Variants in GRM8 observed in about 807,000 individuals in gnomAD.
GRM8 encodes the protein metabotropic glutamate receptor 8.
In GRM8, 47 loss-of-function variants were observed where a neutral mutation model predicts 87.2. The observed-to-expected ratio is 0.54, with a 90% CI of 0.43 to 0.69. The LOEUF is 0.69. GRM8 is among the 30% of genes least tolerant of loss of function. The pLI is 0.00. For missense variants in GRM8, 1,019 were observed against 1,139.2 expected (o/e 0.89, Z 1.52); for synonymous variants, 396 against 404.5 (o/e 0.98, Z 0.25).
chr7:126,922,584 A>C (rs760930961), intron 3 of GRM8, among the ~76,000 whole-genome samples: 14 of 152,172 alleles, frequency 9.2e-5, no homozygotes, highest in Admixed American at 2.6e-4. Flanking sequence ...CACTATATAC[A>C]ATATCGCTTG....
chr7:126,810,566 C>A (rs1793193600), intron 6 of GRM8, among the ~76,000 whole-genome samples: 1 of 152,160 alleles, frequency 6.6e-6, no homozygotes, highest in South Asian at 2.1e-4. Flanking sequence ...ACAGACATTA[C>A]TACTGACTAA....
intron 6 of GRM8, among the ~76,000 whole-genome samples, chr7:126,803,276 T>C (rs1053827813): frequency 1.3e-5 from 2 of 152,172 alleles, no homozygotes; most frequent in Non-Finnish European, 2.9e-5. Flanking sequence ...AATATTGGTT[T>C]ATTGAGTAAC....
At chr7:126,826,905 A>G (rs1273663813) in intron 6 of GRM8, among the ~76,000 whole-genome samples, 1 of 152,192 alleles carries the variant, frequency 6.6e-6, no homozygotes, top group African/African-American at 2.4e-5. Flanking sequence ...GGTGTAAGGA[A>G]GGGATCCAGT....
rs182132280 is a variant in GRM8 at position 126,667,268 on chromosome 7, T to C, written c.1358-57770A>G. On this transcript the variant is annotated intron_variant, in intron 7 of 10. Transcript: ENST00000339582. The stretch of plus-strand genomic sequence containing the variant: ...CTAAGATGCTATTTGAATGTTAATA[T>C]GATACTTGAATAGTTGTCTTCAAGT... Among the ~76,000 whole-genome samples the C allele has an allele frequency of 7.0e-3, 1,065 of 152,330 alleles. 6 individuals carry two copies. Among genetic ancestry groups the C allele is most frequent in the Middle Eastern group, 0.017 (5 of 294 alleles).
chr7:126,841,393 C>T lies in GRM8; in HGVS notation c.1156+61149G>A, dbSNP rs184116049. Among the ~76,000 whole-genome samples, 361 of 152,090 alleles carry T rather than the reference C, an allele frequency of 2.4e-3. 2 individuals are homozygous for T. Among genetic ancestry groups the T allele is most frequent in the Non-Finnish European group, 4.2e-3 (287 of 68,006 alleles). On this transcript the variant is annotated intron_variant, in intron 6 of 10. Coordinates refer to ENST00000339582, the MANE Select transcript of GRM8 (RefSeq NM_000845.3). The stretch of plus-strand genomic sequence containing the variant: ...CTCAGCAGGACAATTGACCATAGCA[C>T]CTATGCTAGCCCCTCTGATATGGTG...
intron 6 of GRM8, among the ~76,000 whole-genome samples, chr7:126,856,166 C>CTT (rs1797664113): frequency 6.6e-6 from 1 of 151,632 alleles, no homozygotes; most frequent in Non-Finnish European, 1.5e-5. Flanking sequence ...AAAGAACAGG[C>CTT]TTATATGCAA....
At chr7:126,808,792 GTCC>G (rs1298682145) in intron 6 of GRM8, among the ~76,000 whole-genome samples, 5 of 152,120 alleles carry the variant, frequency 3.3e-5, no homozygotes, top group African/African-American at 1.2e-4. Context: ...AGGTTCCAGA[GTCC>G]TCCTCTATTC....
chr7:126,820,596 A>G (rs944060148), intron 6 of GRM8, among the ~76,000 whole-genome samples: 5 of 152,164 alleles, frequency 3.3e-5, no homozygotes, highest in Non-Finnish European at 7.3e-5. Flanking sequence ...ATAATAGAAA[A>G]CCATATGAGA....
intron 7 of GRM8, among the ~76,000 whole-genome samples, chr7:126,650,722 C>T (rs746922727): frequency 1.3e-5 from 2 of 151,688 alleles, no homozygotes; most frequent in Admixed American, 6.6e-5. Flanking sequence ...TGAGCGCTCA[C>T]CAACAGGTGA....
chr7:127,204,062 A>C (rs1392116959), intron 2 of GRM8, among the ~76,000 whole-genome samples: 2 of 152,230 alleles, frequency 1.3e-5, no homozygotes, highest in Non-Finnish European at 2.9e-5. Flanking sequence ...GGAGTTTATT[A>C]ATTTACATTT....
intron 7 of GRM8, among the ~76,000 whole-genome samples, chr7:126,646,553 G>C (rs1408801124): frequency 3.3e-5 from 5 of 152,062 alleles, no homozygotes; most frequent in Admixed American, 6.6e-5. Flanking sequence ...ACCAGGAGAG[G>C]CTTATCAGTT....
At chr7:127,231,088 TACAATGTCGA>T (rs1797659692) in intron 2 of GRM8, among the ~76,000 whole-genome samples, 1 of 152,190 alleles carries the variant, frequency 6.6e-6, no homozygotes, top group African/African-American at 2.4e-5. Flanking sequence ...TATTATCCAC[TACAATGTCGA>T]ACATGCGGCA....
intron 2 of GRM8, chr7:127,118,235 C>G (rs1406507045): frequency 6.6e-6 from 1 of 152,200 alleles, no homozygotes; most frequent in Non-Finnish European, 1.5e-5. Flanking sequence ...GGAAAACCCA[C>G]TCCATTTGCA....
At chr7:127,125,170 T>G (rs1037441888) in intron 2 of GRM8, among the ~76,000 whole-genome samples, 2 of 152,152 alleles carry the variant, frequency 1.3e-5, no homozygotes, top group African/African-American at 4.8e-5. Flanking sequence ...GAATTTACAA[T>G]AGCTACAATA....
At position 126,569,516 on chromosome 7, in the gene GRM8, A is replaced by T. The variant is rs1418132865; in HGVS notation, c.1495-35629T>A. 2.6e-5 allele frequency among the ~76,000 whole-genome samples: 4 copies of T among 152,208 alleles called. No homozygotes were observed. The East Asian group carries it at 7.7e-4, about 29-fold the overall frequency. ...ACTTTGTGTCCACATCAGAGCTGCCAGTCAAATACTGACACACCAGTAATT... is the reference window on the plus strand; with the variant it reads ...ACTTTGTGTCCACATCAGAGCTGCCTGTCAAATACTGACACACCAGTAATT... On this transcript the variant is annotated intron_variant, in intron 8 of 10. Coordinates refer to ENST00000339582, the MANE Select transcript of GRM8 (RefSeq NM_000845.3).
intron 7 of GRM8, among the ~76,000 whole-genome samples, chr7:126,638,481 A>G (rs1473230767): frequency 6.6e-6 from 1 of 152,186 alleles, no homozygotes; most frequent in Non-Finnish European, 1.5e-5. Context: ...TATCTGTTAA[A>G]TAACTCAATG....
intron 7 of GRM8, among the ~76,000 whole-genome samples, chr7:126,666,724 C>T (rs1034388237): frequency 1.3e-5 from 2 of 151,888 alleles, no homozygotes; most frequent in African/African-American, 4.8e-5. Flanking sequence ...AGTAACAACA[C>T]AGATTTGCAA....
chr7:126,899,312 A>G (rs1022736320), intron 6 of GRM8, among the ~76,000 whole-genome samples: 3 of 152,206 alleles, frequency 2.0e-5, no homozygotes, highest in African/African-American at 7.2e-5. Flanking sequence ...AAACCCATCT[A>G]TAAACTGCCA....
chr7:126,489,771 TGTGA>T (rs1352422833), intron 9 of GRM8, among the ~76,000 whole-genome samples: 4 of 152,046 alleles, frequency 2.6e-5, no homozygotes, highest in Admixed American at 6.6e-5. Flanking sequence ...TTTCTTGGTG[TGTGA>T]GTGAGTGTGT....
Sources: allele counts gnomAD v4.1 joint callset (sites outside exome capture counted in the v4.1 genomes callset), GRCh38; gene constraint gnomAD v4.1.1; transcripts MANE v1.5; gene names NCBI Gene and HGNC (gene_info 2026-07-23, HGNC 2026-07-21).